FBXO16: variants seen among roughly 807,000 people sequenced by gnomAD.
FBXO16 encodes the protein F-box only protein 16.
A neutral mutation model predicts 41.0 loss-of-function variants in FBXO16; 31 were observed. The ratio of observed to expected loss-of-function variants is 0.76; its 90% CI spans 0.57 to 1.02. The LOEUF (loss-of-function observed/expected upper bound fraction) is 1.02, where lower values mean the gene tolerates loss of function less well. FBXO16 is among the 50% of genes least tolerant of loss of function. The pLI, the probability that FBXO16 is intolerant of heterozygous loss-of-function variation, is 0.00. For synonymous variants in FBXO16, 133 were observed against 117.8 expected, an observed-to-expected ratio of 1.13 and a Z score of -0.84; for missense variants, 361 against 346.2, an observed-to-expected ratio of 1.04 and a Z score of -0.34.
At chr8:28,477,835 C>A (rs369598284) in intron 2 of FBXO16, among the ~76,000 whole-genome samples, 2 of 152,120 alleles carry the variant, frequency 1.3e-5, no homozygotes, top group East Asian at 1.9e-4. Flanking sequence ...TGAGACCAGG[C>A]CTTTTCTCTA....
At chr8:28,429,489 G>T in intron 7 of FBXO16, 86 bp from the exon 8 acceptor site, 2 of 1,498,010 alleles carry the variant, frequency 1.3e-6, no homozygotes, top group Non-Finnish European at 1.8e-6. Context: ...AGAGAGTGAG[G>T]CACTCTTCAA....
intron 4 of FBXO16, among the ~76,000 whole-genome samples, chr8:28,460,242 TA>T (rs1274591810): frequency 2.1e-5 from 2 of 97,174 alleles, no homozygotes; most frequent in South Asian, 3.2e-4. Flanking sequence ...TATATATATA[TA>T]TATTTTTTTT....
At chr8:28,442,319 C>T (rs886078905) in intron 7 of FBXO16, among the ~76,000 whole-genome samples, 30 of 152,132 alleles carry the variant, frequency 2.0e-4, no homozygotes, top group African/African-American at 7.0e-4. Context: ...TTGACATTTA[C>T]ATAATTTTCA....
intron 7 of FBXO16, among the ~76,000 whole-genome samples, chr8:28,430,955 G>A (rs1463363776): frequency 1.3e-5 from 2 of 152,060 alleles, no homozygotes; most frequent in Non-Finnish European, 2.9e-5. Flanking sequence ...TGGGCAACAT[G>A]AGTGAAACTC....
chr8:28,476,420 G>T (rs1191440646), intron 2 of FBXO16, among the ~76,000 whole-genome samples: 4 of 152,158 alleles, frequency 2.6e-5, no homozygotes, highest in Non-Finnish European at 5.9e-5. Context: ...ATCATTTTGG[G>T]CAGATAATTT....
chr8:28,432,074 T>C (rs1022948268), intron 7 of FBXO16, among the ~76,000 whole-genome samples: 1 of 152,028 alleles, frequency 6.6e-6, no homozygotes, highest in Non-Finnish European at 1.5e-5. Flanking sequence ...ACTGGCAGCA[T>C]GCTGTGAACA....
At chr8:28,476,518 CA>C (rs1803425750) in intron 2 of FBXO16, among the ~76,000 whole-genome samples, 1 of 152,204 alleles carries the variant, frequency 6.6e-6, no homozygotes, top group Non-Finnish European at 1.5e-5. Context: ...TCAGGTTCTT[CA>C]TTTTAAAGAG....
intron 1 of FBXO16, among the ~76,000 whole-genome samples, chr8:28,485,499 A>G (rs755860875): frequency 1.3e-5 from 2 of 152,108 alleles, no homozygotes; most frequent in African/African-American, 2.4e-5. Context: ...TAATCATTAT[A>G]TTTTGGCTAG....
At chr8:28,457,421 G>A (rs1393452819) in intron 4 of FBXO16, among the ~76,000 whole-genome samples, 1 of 152,086 alleles carries the variant, frequency 6.6e-6, no homozygotes, top group Non-Finnish European at 1.5e-5. Context: ...AGACATACCT[G>A]AGACTGGGTA....
intron 3 of FBXO16, among the ~76,000 whole-genome samples, chr8:28,466,619 A>G (rs1221402986): frequency 1.4e-5 from 2 of 146,276 alleles, no homozygotes; most frequent in East Asian, 2.1e-4. Flanking sequence ...GTGAAAACCC[A>G]TCTCTACTTA....
In FBXO16 at chr8:28,452,334, G is replaced by A. The variant is rs776475025; in HGVS notation, c.650C>T (p.Pro217Leu). The change falls in exon 6 of 9, where the codon CCA becomes CTA. Residue 217 changes from proline to leucine, a missense_variant. By Grantham distance (98) the Pro-to-Leu change is moderately conservative (BLOSUM62 -3). Coordinates refer to ENST00000380254, the MANE Select transcript of FBXO16 (RefSeq NM_172366.4). The stretch of plus-strand genomic sequence containing the variant: ...GTGCTTATCAGAAGATCGCCAGGGT[G>A]GAAGTGCTTTCTCCCCTGAGTTATT... The part of the protein sequence containing the change: ...KKNNSGEKAL[P>L]PWRSSDKHPT... 1.2e-6 allele frequency: 2 copies of A among 1,614,180 alleles called. No homozygotes were observed. The highest frequency in any genetic ancestry group is 1.7e-6 in the Non-Finnish European group (2 of 1,180,040).
At chr8:28,485,336 C>T (rs912611145) in intron 1 of FBXO16, among the ~76,000 whole-genome samples, 3 of 152,032 alleles carry the variant, frequency 2.0e-5, no homozygotes, top group Non-Finnish European at 4.4e-5. Context: ...CCACGACTGG[C>T]TAATTTTTGT....
intron 4 of FBXO16, among the ~76,000 whole-genome samples, chr8:28,459,239 T>G (rs1249398685): frequency 6.6e-6 from 1 of 152,196 alleles, no homozygotes; most frequent in Non-Finnish European, 1.5e-5. Context: ...ATTGGGAAAC[T>G]CTATATATAA....
At chr8:28,429,242 C>G in intron 8 of FBXO16, 136 bp downstream of exon 8, 1 of 940,596 alleles carries the variant, frequency 1.1e-6, no homozygotes, top group South Asian at 1.6e-5. Context: ...CTCTGCCTCC[C>G]AAAGTGCTGA....
chr8:28,468,458 G>A (rs1803280297), intron 3 of FBXO16, among the ~76,000 whole-genome samples: 1 of 152,126 alleles, frequency 6.6e-6, no homozygotes. Flanking sequence ...TTGGTTATAC[G>A]ATCTCTTCTG....
intron 3 of FBXO16, among the ~76,000 whole-genome samples, chr8:28,468,335 C>T (rs1224625920): frequency 2.0e-5 from 3 of 152,066 alleles, no homozygotes; most frequent in Non-Finnish European, 4.4e-5. Context: ...TTCTTGCTGC[C>T]ATTTCAGGAA....
At chr8:28,448,340 CA>C (rs56323338) in intron 6 of FBXO16, among the ~76,000 whole-genome samples, 692 of 49,910 alleles carry the variant, frequency 0.014, no homozygotes, top group African/African-American at 0.016. Flanking sequence ...GACCCTAAAT[CA>C]AAAAAAAAAA....
Position 28,452,940 on chromosome 8 carries a change from T to TCATCATCATCATTGC in FBXO16, c.508-479_508-465dup, listed in dbSNP as rs1802980388. Among the ~76,000 whole-genome samples, 6 of 149,180 alleles carry TCATCATCATCATTGC rather than the reference T, an allele frequency of 4.0e-5. No individual in the cohort carries two copies. In the Admixed American group the frequency reaches 4.0e-4, roughly 10 times the overall value. On this transcript the variant is annotated intron_variant, in intron 5 of 8. Transcript: ENST00000380254. ...AAAAAAAAGAAAAAAAGGAATATCA[T>TCATCATCATCATTGC]CATCATCATCATTGCCATCATCATC... is the stretch of plus-strand genomic sequence containing the variant.
intron 6 of FBXO16, among the ~76,000 whole-genome samples, chr8:28,450,590 A>T (rs1802937349): frequency 6.6e-6 from 1 of 151,954 alleles, no homozygotes; most frequent in Admixed American, 6.6e-5. Context: ...CTATCTCTTG[A>T]TTTTTCTGTC....
Sources: gnomAD v4.1 joint callset for allele counts (sites outside exome capture counted in the v4.1 genomes callset) on GRCh38, gnomAD v4.1.1 for gene constraint, MANE v1.5 for transcripts, NCBI Gene and HGNC (gene_info 2026-07-23, HGNC 2026-07-21) for gene names.